The following SLC25A21 variants were observed in gnomAD, a reference collection of about 807,000 sequenced individuals.
SLC25A21 encodes solute carrier family 25 member 21, also known as mitochondrial 2-oxodicarboxylate carrier.
In SLC25A21, 47 loss-of-function variants were observed where a neutral mutation model predicts 43.8. The observed-to-expected ratio is 1.07, with a 90% CI of 0.85 to 1.37. The LOEUF (loss-of-function observed/expected upper bound fraction) is 1.37. SLC25A21 is among the 40% of genes most tolerant of loss of function. The pLI is 0.00. For synonymous variants in SLC25A21, 131 were observed against 121.3 expected, an observed-to-expected ratio of 1.08 and a Z score of -0.52; for missense variants, 352 against 350.2, an observed-to-expected ratio of 1.00 and a Z score of -0.04.
At chr14:37,076,688 A>G (rs763243791) in intron 1 of SLC25A21, among the ~76,000 whole-genome samples, 12 of 150,644 alleles carry the variant, frequency 8.0e-5, no homozygotes, top group Non-Finnish European at 1.6e-4. Flanking sequence ...GGGTTTCACC[A>G]TGTTGGCCAG....
rs1049414977 is a variant in SLC25A21 at position 36,800,837 on chromosome 14, T to G, written c.203+13081A>C. 3.3e-5 allele frequency among the ~76,000 whole-genome samples: 5 copies of G among 152,294 alleles called. 1 individual carries two copies. The South Asian group carries it at 1.0e-3, about 32-fold the overall frequency. On this transcript the variant is annotated intron_variant, in intron 3 of 9. Coordinates refer to ENST00000331299, the MANE Select transcript of SLC25A21 (RefSeq NM_030631.4). ...CTTATTGTCTCTGCTTCTCTTGATG[T>G]TTAGTTAGTTTGTCTTTTTTATTCT... is the stretch of plus-strand genomic sequence containing the variant.
intron 6 of SLC25A21, among the ~76,000 whole-genome samples, chr14:36,719,192 C>A (rs930063940): frequency 1.3e-5 from 2 of 152,174 alleles, no homozygotes; most frequent in African/African-American, 4.8e-5. Context: ...AGCATGCCAG[C>A]CAAACATCAC....
At chr14:37,047,420 A>G (rs925637735) in intron 1 of SLC25A21, among the ~76,000 whole-genome samples, 1 of 152,190 alleles carries the variant, frequency 6.6e-6, no homozygotes, top group Non-Finnish European at 1.5e-5. Flanking sequence ...GAGCAATAAG[A>G]AAAACATGAC....
intron 3 of SLC25A21, among the ~76,000 whole-genome samples, chr14:36,785,855 C>A (rs557006675): frequency 1.3e-5 from 2 of 152,272 alleles, no homozygotes; most frequent in East Asian, 3.9e-4. Flanking sequence ...TACTAAGTCC[C>A]ACCATGGTTA....
At chr14:36,789,736 AT>A (rs1160780954) in intron 3 of SLC25A21, among the ~76,000 whole-genome samples, 5 of 132,584 alleles carry the variant, frequency 3.8e-5, no homozygotes, top group African/African-American at 8.5e-5. Flanking sequence ...TATTTTATAT[AT>A]TTATATATAA....
chr14:37,094,359 T>C (rs1486968559), intron 1 of SLC25A21, among the ~76,000 whole-genome samples: 2 of 152,180 alleles, frequency 1.3e-5, no homozygotes, highest in Non-Finnish European at 2.9e-5. Context: ...ATTGGATTCT[T>C]TATTGCCATC....
chr14:37,046,626 A>G (rs2138791567), intron 1 of SLC25A21, among the ~76,000 whole-genome samples: 1 of 152,346 alleles, frequency 6.6e-6, no homozygotes, highest in East Asian at 1.9e-4. Flanking sequence ...ACAAGATAAC[A>G]GCTTGAAAAG....
intron 3 of SLC25A21, among the ~76,000 whole-genome samples, chr14:36,806,641 C>A (rs1888050285): frequency 6.6e-6 from 1 of 152,172 alleles, no homozygotes; most frequent in Non-Finnish European, 1.5e-5. Context: ...CTCACATTTT[C>A]TTTCCAAATC....
At chr14:36,918,400 A>G (rs1891889426) in intron 1 of SLC25A21, among the ~76,000 whole-genome samples, 1 of 152,280 alleles carries the variant, frequency 6.6e-6, no homozygotes, top group East Asian at 1.9e-4. Context: ...ATAAGCACGT[A>G]TTTCTCAAAC....
intron 1 of SLC25A21, among the ~76,000 whole-genome samples, chr14:37,141,212 A>G (rs1477699739): frequency 1.3e-5 from 2 of 152,216 alleles, no homozygotes; most frequent in African/African-American, 4.8e-5. Context: ...AAGAAATTCA[A>G]GCTTTTTTAT....
At chr14:36,814,147 T>C (rs185552264) in intron 2 of SLC25A21, 146 bp from the exon 3 acceptor site, 4 of 545,362 alleles carry the variant, frequency 7.3e-6, no homozygotes, top group South Asian at 5.7e-5. Context: ...ATTAGCCTTA[T>C]ATAATCTTTA....
At chr14:36,887,203 T>C (rs1890942430) in intron 1 of SLC25A21, among the ~76,000 whole-genome samples, 1 of 83,006 alleles carries the variant, frequency 1.2e-5, no homozygotes, top group African/African-American at 4.1e-5. Flanking sequence ...CATGCACATG[T>C]GTGTCTACAT....
chr14:36,678,505 A>T lies in SLC25A21; in HGVS notation c.*2153T>A, dbSNP rs1882017888. The T allele has an allele frequency of 6.5e-7, 1 of 1,537,054 alleles. No homozygotes were observed. The highest frequency in any genetic ancestry group is 8.7e-7 in the Non-Finnish European group (1 of 1,146,762). On this transcript the variant is annotated 3_prime_UTR_variant, in exon 10 of 10. Transcript: ENST00000331299. Reference sequence around the variant, plus strand: ...CCAGTCTGGTGAGAAAATAGACTATAAACTGAATGGAACAAAGATCCAATC... The same window carrying T: ...CCAGTCTGGTGAGAAAATAGACTATTAACTGAATGGAACAAAGATCCAATC...
intron 4 of SLC25A21, among the ~76,000 whole-genome samples, chr14:36,732,751 C>T (rs1884881197): frequency 6.6e-6 from 1 of 152,048 alleles, no homozygotes; most frequent in Non-Finnish European, 1.5e-5. Context: ...GATTGCTTTC[C>T]TCACAAATCC....
chr14:37,104,299 G>A (rs922970380), intron 1 of SLC25A21, among the ~76,000 whole-genome samples: 1 of 152,190 alleles, frequency 6.6e-6, no homozygotes, highest in Non-Finnish European at 1.5e-5. Flanking sequence ...GAGGTGGAGA[G>A]CTAGCTCTCA....
chr14:37,048,457 C>T (rs924688891), intron 1 of SLC25A21, among the ~76,000 whole-genome samples: 4 of 150,236 alleles, frequency 2.7e-5, no homozygotes, highest in Admixed American at 6.6e-5. Flanking sequence ...CAAATTACTA[C>T]GTCTTCCTGG....
At chr14:36,772,624 C>T (rs1237280907) in intron 3 of SLC25A21, among the ~76,000 whole-genome samples, 1 of 152,188 alleles carries the variant, frequency 6.6e-6, no homozygotes, top group East Asian at 1.9e-4. Context: ...AACACACTAG[C>T]TCCTCAATCA....
chr14:36,803,569 T>G (rs74044993), intron 3 of SLC25A21, among the ~76,000 whole-genome samples: 2 of 152,326 alleles, frequency 1.3e-5, no homozygotes, highest in East Asian at 3.9e-4. Context: ...AACCTCTCTT[T>G]AAGAGTTTCC....
intron 6 of SLC25A21, among the ~76,000 whole-genome samples, chr14:36,723,421 T>A (rs1884456495): frequency 6.6e-6 from 1 of 152,256 alleles, no homozygotes; most frequent in African/African-American, 2.4e-5. Context: ...AAGTCACTTT[T>A]AAAATATTTT....
Sources: gnomAD v4.1 joint callset for allele counts (sites outside exome capture counted in the v4.1 genomes callset) on GRCh38, gnomAD v4.1.1 for gene constraint, MANE v1.5 for transcripts, NCBI Gene and HGNC (gene_info 2026-07-23, HGNC 2026-07-21) for gene names.